The following NELL2 variants were observed in gnomAD, a reference collection of about 807,000 sequenced individuals.
NELL2 encodes the protein protein kinase C-binding protein NELL2.
A neutral mutation model predicts 109.6 loss-of-function variants in NELL2; 41 were observed. That is an observed-to-expected ratio of 0.37 (90% CI 0.29 to 0.49). NELL2 has a LOEUF of 0.49. Among genes scored for constraint, NELL2 ranks in the 20% least tolerant of loss-of-function variants. The pLI, the probability that NELL2 is intolerant of heterozygous loss-of-function variation, is 0.98. For synonymous variants in NELL2, 355 were observed against 344.7 expected (o/e 1.03, Z -0.33); for missense variants, 900 against 1,008.3 (o/e 0.89, Z 1.45).
intron 15 of NELL2, among the ~76,000 whole-genome samples, chr12:44,585,542 T>C (rs1944462944): frequency 6.6e-6 from 1 of 152,110 alleles, no homozygotes; most frequent in African/African-American, 2.4e-5. Context: ...AAATATATTA[T>C]GATATATTTG....
chr12:44,563,004 C>T (rs1009608412), intron 15 of NELL2, among the ~76,000 whole-genome samples: 1 of 152,142 alleles, frequency 6.6e-6, no homozygotes, highest in African/African-American at 2.4e-5. Flanking sequence ...GGATGAGTTC[C>T]TGTCCTTTGC....
chr12:44,583,400 C>T (rs1175996168), intron 15 of NELL2, among the ~76,000 whole-genome samples: 5 of 152,288 alleles, frequency 3.3e-5, no homozygotes, highest in African/African-American at 7.2e-5. Context: ...CACCACACCC[C>T]GCCAACACCA....
chr12:44,857,519 C>T (rs1351889494), intron 2 of NELL2, among the ~76,000 whole-genome samples: 1 of 152,162 alleles, frequency 6.6e-6, no homozygotes, highest in Non-Finnish European at 1.5e-5. Flanking sequence ...AAATCTTATC[C>T]TCCATCACCA....
chr12:44,909,849 C>G (rs1301482258), intron 1 of NELL2, among the ~76,000 whole-genome samples: 1 of 151,518 alleles, frequency 6.6e-6, no homozygotes, highest in South Asian at 2.1e-4. Flanking sequence ...ATCTGATACT[C>G]AACCAAGACA....
At chr12:44,835,648 T>C (rs1463814342) in intron 2 of NELL2, among the ~76,000 whole-genome samples, 2 of 152,344 alleles carry the variant, frequency 1.3e-5, no homozygotes, top group African/African-American at 2.4e-5. Flanking sequence ...AGAGGCAGTA[T>C]TGTATATAAT....
intron 1 of NELL2, among the ~76,000 whole-genome samples, chr12:44,887,783 G>A (rs1464530094): frequency 6.6e-6 from 1 of 151,874 alleles, no homozygotes; most frequent in East Asian, 1.9e-4. Flanking sequence ...TTTGTGGGTT[G>A]TCTCTTTCGT....
intron 15 of NELL2, among the ~76,000 whole-genome samples, chr12:44,571,707 A>G (rs906335619): frequency 1.3e-5 from 2 of 152,244 alleles, no homozygotes; most frequent in Non-Finnish European, 2.9e-5. Flanking sequence ...TTTCAGCATC[A>G]TATGTGCAAT....
At chr12:44,815,936 A>G (rs1337563173) in intron 3 of NELL2, 50 bp downstream of exon 3, 1 of 1,566,246 alleles carries the variant, frequency 6.4e-7, no homozygotes, top group South Asian at 1.2e-5. Flanking sequence ...TAATATATTC[A>G]TTTAACCACA....
At chr12:44,777,381 A>G (rs1228929256) in intron 5 of NELL2, 67 bp from the exon 6 acceptor site, 1 of 1,257,816 alleles carries the variant, frequency 8.0e-7, no homozygotes, top group South Asian at 1.2e-5. Context: ...TCAATGGTCA[A>G]GTTCATGAAG....
intron 15 of NELL2, among the ~76,000 whole-genome samples, chr12:44,576,043 T>G (rs1260681073): frequency 6.6e-6 from 1 of 152,226 alleles, no homozygotes; most frequent in African/African-American, 2.4e-5. Flanking sequence ...GTTCCTCAAA[T>G]GTGCCATGCT....
At chr12:44,843,857 A>G (rs1944296958) in intron 2 of NELL2, among the ~76,000 whole-genome samples, 1 of 152,110 alleles carries the variant, frequency 6.6e-6, no homozygotes, top group Non-Finnish European at 1.5e-5. Context: ...CCCTGGCTCT[A>G]TGAAAAACAC....
intron 2 of NELL2, among the ~76,000 whole-genome samples, chr12:44,819,668 G>A (rs950393815): frequency 1.3e-5 from 2 of 152,120 alleles, no homozygotes; most frequent in Non-Finnish European, 2.9e-5. Flanking sequence ...ATTCACTCAT[G>A]CAGGGTCACA....
intron 2 of NELL2, among the ~76,000 whole-genome samples, chr12:44,869,104 C>T (rs1000870631): frequency 2.3e-4 from 35 of 152,182 alleles, no homozygotes; most frequent in African/African-American, 7.9e-4. Context: ...GAGAAAGGCG[C>T]TGCATATAAT....
At chr12:44,723,707 C>T (rs1938914902) in intron 9 of NELL2, among the ~76,000 whole-genome samples, 1 of 151,736 alleles carries the variant, frequency 6.6e-6, no homozygotes, top group African/African-American at 2.4e-5. Context: ...ATTTTAATAC[C>T]CTGTTTTCAT....
intron 9 of NELL2, among the ~76,000 whole-genome samples, chr12:44,733,551 T>A (rs927360641): frequency 6.6e-6 from 1 of 151,704 alleles, no homozygotes; most frequent in Non-Finnish European, 1.5e-5. Context: ...TTCCAGGCGC[T>A]AGGAGGAGAA....
At chr12:44,689,152 A>G (rs1372509613) in intron 12 of NELL2, among the ~76,000 whole-genome samples, 1 of 152,144 alleles carries the variant, frequency 6.6e-6, no homozygotes, top group African/African-American at 2.4e-5. Flanking sequence ...CAACACTTAC[A>G]TACTGCCACT....
chr12:44,718,464 C>A (rs1035525814), intron 9 of NELL2, among the ~76,000 whole-genome samples: 7 of 152,160 alleles, frequency 4.6e-5, no homozygotes, highest in Non-Finnish European at 2.9e-5. Context: ...ATTGCATGCA[C>A]ATGTTTACAG....
intron 15 of NELL2, among the ~76,000 whole-genome samples, chr12:44,605,589 A>C (rs1244689980): frequency 2.0e-5 from 3 of 152,174 alleles, no homozygotes; most frequent in Non-Finnish European, 4.4e-5. Context: ...ATGCCATTCC[A>C]GATTTCTACA....
At chr12:44,771,176 G>C (rs1941532884) in intron 9 of NELL2, among the ~76,000 whole-genome samples, 2 of 152,082 alleles carry the variant, frequency 1.3e-5, no homozygotes. Flanking sequence ...GAGAGCCTGA[G>C]ACCGGGATAA....
Sources: allele counts gnomAD v4.1 joint callset (sites outside exome capture counted in the v4.1 genomes callset), GRCh38; gene constraint gnomAD v4.1.1; transcripts MANE v1.5; gene names NCBI Gene and HGNC (gene_info 2026-07-23, HGNC 2026-07-21).